Variants in DOK5 observed in about 807,000 individuals in gnomAD.
The protein encoded by DOK5 is docking protein 5, also known as downstream of tyrosine kinase 5.
Under a neutral mutation model 43.3 loss-of-function variants are expected in DOK5, and 27 were observed. The ratio of observed to expected loss-of-function variants is 0.62; its 90% CI spans 0.46 to 0.86. DOK5 has a LOEUF of 0.86. Ranked by LOEUF, DOK5 falls within the 40% of genes least tolerant of loss-of-function variation. DOK5 has a pLI of 0.00. For missense variants in DOK5, 373 were observed against 392.9 expected, an observed-to-expected ratio of 0.95 and a Z score of 0.43; for synonymous variants, 146 against 140.1, an observed-to-expected ratio of 1.04 and a Z score of -0.30.
In DOK5 at chr20:54,506,136, T is replaced by G. The variant is rs6023319; in HGVS notation, c.66+30124T>G. The stretch of plus-strand genomic sequence containing the variant: ...CTGCCTATATTATAAAAACAGAGAG[T>G]TGAGAATTCCCTGACAGATTTGGAG... On this transcript the variant is annotated intron_variant, in intron 1 of 7. Coordinates refer to ENST00000262593, the MANE Select transcript of DOK5 (RefSeq NM_018431.5). Among the ~76,000 whole-genome samples the G allele has an allele frequency of 9.9e-5, 15 of 151,596 alleles. No individual in the cohort carries two copies. In the South Asian group the frequency reaches 2.1e-3, roughly 21 times the overall value.
Position 54,639,577 on chromosome 20 carries a change from G to T in DOK5, c.736-3881G>T, listed in dbSNP as rs369059261. 8.5e-5 allele frequency among the ~76,000 whole-genome samples: 13 copies of T among 152,056 alleles called. No homozygotes were observed. The East Asian group carries it at 2.3e-3, about 27-fold the overall frequency. ...ATACTTTACAATTCTATGGCTCAGG[G>T]TAATTTTTATTTTTACTTGTTAATG... On this transcript the variant is annotated intron_variant, in intron 6 of 7. Transcript: ENST00000262593.
intron 1 of DOK5, among the ~76,000 whole-genome samples, chr20:54,553,416 C>T (rs978202136): frequency 1.3e-4 from 20 of 151,880 alleles, no homozygotes; most frequent in Middle Eastern, 3.4e-3. Context: ...AGGATGGTCT[C>T]GATCTCCTGA....
intron 1 of DOK5, among the ~76,000 whole-genome samples, chr20:54,495,964 A>G (rs1982375561): frequency 6.6e-6 from 1 of 152,230 alleles, no homozygotes; most frequent in Non-Finnish European, 1.5e-5. Context: ...TACACATAGG[A>G]CTGCAAAAGT....
chr20:54,610,336 T>C, intron 5 of DOK5, 52 bp from the exon 6 acceptor site: 1 of 1,439,600 alleles, frequency 6.9e-7, no homozygotes, highest in Non-Finnish European at 9.2e-7. Flanking sequence ...CTTGGTGCAT[T>C]GAACTTCTAG....
chr20:54,599,905 G>C (rs1282632472), intron 5 of DOK5, among the ~76,000 whole-genome samples: 4 of 152,196 alleles, frequency 2.6e-5, no homozygotes, highest in Admixed American at 2.0e-4. Flanking sequence ...AGAAGAGAGA[G>C]ATATAGACAA....
chr20:54,543,794 A>G (rs1568775685), intron 1 of DOK5, among the ~76,000 whole-genome samples: 2 of 152,196 alleles, frequency 1.3e-5, no homozygotes, highest in African/African-American at 2.4e-5. Flanking sequence ...TATGGTATAC[A>G]TATTATTTTA....
In DOK5 at chr20:54,506,613, C is replaced by T. The variant is rs139003806; in HGVS notation, c.66+30601C>T. Among the ~76,000 whole-genome samples, 14 of 152,278 alleles carry T rather than the reference C, an allele frequency of 9.2e-5. No homozygotes were observed. In the East Asian group the frequency reaches 1.7e-3, roughly 19 times the overall value. On this transcript the variant is annotated intron_variant, in intron 1 of 7. Transcript: ENST00000262593. ...TAGCTGGGACTACAGGTAGGTGCCACCACGCCTGGCTAATTTTTACAAACT... is the reference window on the plus strand; with the variant it reads ...TAGCTGGGACTACAGGTAGGTGCCATCACGCCTGGCTAATTTTTACAAACT...
At chr20:54,595,560 G>A (rs867461115) in intron 5 of DOK5, among the ~76,000 whole-genome samples, 16 of 152,206 alleles carry the variant, frequency 1.1e-4, no homozygotes, top group Middle Eastern at 6.8e-3. Context: ...CCCCTTTATG[G>A]TCCATCCATT....
chr20:54,569,186 C>G (rs1985203322), intron 2 of DOK5, among the ~76,000 whole-genome samples: 1 of 152,084 alleles, frequency 6.6e-6, no homozygotes, highest in Non-Finnish European at 1.5e-5. Flanking sequence ...TTAAGCAGTT[C>G]ATAAATTCAG....
intron 1 of DOK5, among the ~76,000 whole-genome samples, chr20:54,552,956 CTA>C (rs1338414333): frequency 1.3e-5 from 2 of 152,190 alleles, no homozygotes; most frequent in African/African-American, 4.8e-5. Flanking sequence ...TTTAAATTGA[CTA>C]TGTTTTGAAG....
At chr20:54,584,763 A>G (rs114508935) in intron 2 of DOK5, among the ~76,000 whole-genome samples, 8,737 of 144,478 alleles carry the variant, frequency 0.06, 873 homozygotes, top group African/African-American at 0.22. Context: ...GTGTGTATAT[A>G]TATCTAGATA....
At chr20:54,499,244 T>A (rs1158594440) in intron 1 of DOK5, among the ~76,000 whole-genome samples, 1 of 152,250 alleles carries the variant, frequency 6.6e-6, no homozygotes, top group Non-Finnish European at 1.5e-5. Context: ...TCTGTATTCA[T>A]CCTTTTTAAT....
intron 6 of DOK5, among the ~76,000 whole-genome samples, chr20:54,617,968 C>T (rs914486542): frequency 4.6e-5 from 7 of 152,160 alleles, no homozygotes; most frequent in African/African-American, 1.7e-4. Context: ...GAGGTAGATT[C>T]ATTTGTTCAC....
At chr20:54,626,703 C>A (rs1487515448) in intron 6 of DOK5, among the ~76,000 whole-genome samples, 10 of 152,076 alleles carry the variant, frequency 6.6e-5, no homozygotes. Context: ...CAGATACATA[C>A]AAAAGATGGG....
chr20:54,605,785 G>A (rs923413989), intron 5 of DOK5, among the ~76,000 whole-genome samples: 1 of 152,188 alleles, frequency 6.6e-6, no homozygotes, highest in Non-Finnish European at 1.5e-5. Flanking sequence ...GAAAAGCTGC[G>A]AGTATATCAG....
chr20:54,556,683 C>T (rs1984718887), intron 2 of DOK5, among the ~76,000 whole-genome samples: 1 of 152,194 alleles, frequency 6.6e-6, no homozygotes, highest in Non-Finnish European at 1.5e-5. Context: ...CATCTAGACA[C>T]AGACAGAGCT....
At chr20:54,576,061 T>C (rs1045674508) in intron 2 of DOK5, among the ~76,000 whole-genome samples, 2 of 151,920 alleles carry the variant, frequency 1.3e-5, no homozygotes, top group African/African-American at 4.8e-5. Context: ...AAGAATACCT[T>C]TTAAAAAAAT....
At chr20:54,566,391 G>T (rs1481511824) in intron 2 of DOK5, among the ~76,000 whole-genome samples, 1 of 150,336 alleles carries the variant, frequency 6.7e-6, no homozygotes, top group African/African-American at 2.4e-5. Flanking sequence ...AGTTCATGTT[G>T]AATGAACATA....
intron 6 of DOK5, among the ~76,000 whole-genome samples, chr20:54,635,351 G>T (rs1398141420): frequency 1.3e-5 from 2 of 152,178 alleles, no homozygotes; most frequent in African/African-American, 4.8e-5. Flanking sequence ...ATCCAGGAGA[G>T]AATTAACTAA....
Sources: gnomAD v4.1 joint callset for allele counts (sites outside exome capture counted in the v4.1 genomes callset) on GRCh38, gnomAD v4.1.1 for gene constraint, MANE v1.5 for transcripts, NCBI Gene and HGNC (gene_info 2026-07-23, HGNC 2026-07-21) for gene names.